SOS1: variants seen among roughly 807,000 people sequenced by gnomAD.
SOS1 encodes the protein SOS Ras/Rac guanine nucleotide exchange factor 1, also known as son of sevenless homolog 1.
In SOS1, 25 loss-of-function variants were observed where a neutral mutation model predicts 157.6. That is an observed-to-expected ratio of 0.16 (90% CI 0.12 to 0.22). The LOEUF is 0.22. Ranked by LOEUF, SOS1 falls within the 10% of genes least tolerant of loss-of-function variation. The pLI is 1.00. For missense variants in SOS1, 1,237 were observed against 1,599.1 expected (o/e 0.77, Z 3.86); for synonymous variants, 528 against 534.0 (o/e 0.99, Z 0.16).
In SOS1 at chr2:39,051,245, G is replaced by C; in HGVS notation, c.763C>G (p.Leu255Val). ...ATATGGCCCAGTAACTTTACACTAA[G>C]TTCATGTATATCTACTATGCGACTA... ...IFSRIVDIHE[L>V]SVKLLGHIED... The change falls in exon 6 of 23, where the codon CTT becomes GTT. Residue 255 changes from leucine to valine, a missense_variant. Around this residue, in one of 15 missense-constraint regions of SOS1, gnomAD observed 108 missense variants for 115.3 expected, o/e 0.94. Transcript: ENST00000402219. 1 of 1,611,824 alleles carries C rather than the reference G, an allele frequency of 6.2e-7. No homozygotes were observed. The highest frequency in any genetic ancestry group is 8.5e-7 in the Non-Finnish European group (1 of 1,178,044).
At chr2:39,072,743 C>T (rs913589255) in intron 1 of SOS1, among the ~76,000 whole-genome samples, 1 of 152,098 alleles carries the variant, frequency 6.6e-6, no homozygotes, top group South Asian at 2.1e-4. Flanking sequence ...GAAAATAACA[C>T]GTGATGCCAA....
At chr2:39,049,859 G>C (rs1373333693) in intron 6 of SOS1, among the ~76,000 whole-genome samples, 1 of 152,154 alleles carries the variant, frequency 6.6e-6, no homozygotes, top group Non-Finnish European at 1.5e-5. Flanking sequence ...GTAGATACCA[G>C]GTTGGCAGAT....
intron 1 of SOS1, among the ~76,000 whole-genome samples, chr2:39,074,323 C>A (rs13403916): frequency 6.9e-6 from 1 of 143,966 alleles, no homozygotes; most frequent in South Asian, 2.2e-4. Context: ...GCACTCCAGT[C>A]TGGGTGACAG....
At chr2:39,112,950 T>C (rs144586834) in intron 1 of SOS1, among the ~76,000 whole-genome samples, 126 of 151,656 alleles carry the variant, frequency 8.3e-4, no homozygotes, top group African/African-American at 2.6e-3. Context: ...GAGGCAGAGT[T>C]GCTGGAACCT....
chr2:38,987,630 A>C, intron 21 of SOS1, 39 bp from the exon 22 acceptor site: 1 of 935,654 alleles, frequency 1.1e-6, no homozygotes, highest in Non-Finnish European at 1.7e-6. Context: ...GTCCACAGGA[A>C]TTTTATTTCA....
intron 1 of SOS1, among the ~76,000 whole-genome samples, chr2:39,114,495 G>C (rs1294998525): frequency 6.6e-6 from 1 of 152,032 alleles, no homozygotes; most frequent in East Asian, 1.9e-4. Context: ...TAGAGATGGG[G>C]TTTCTCCATG....
intron 6 of SOS1, among the ~76,000 whole-genome samples, chr2:39,040,994 T>C (rs1043737833): frequency 6.6e-6 from 1 of 152,236 alleles, no homozygotes; most frequent in Admixed American, 6.5e-5. Flanking sequence ...CACATCTTCA[T>C]GAACACTTGT....
chr2:39,026,346 C>G (rs1013946023), intron 8 of SOS1, among the ~76,000 whole-genome samples: 1 of 104,174 alleles, frequency 9.6e-6, no homozygotes, highest in Admixed American at 1.1e-4. Flanking sequence ...CAGAGTGAGA[C>G]TCCGTCTCAA....
intron 2 of SOS1, among the ~76,000 whole-genome samples, chr2:39,061,205 G>A (rs1486206414): frequency 1.4e-5 from 2 of 139,166 alleles, no homozygotes; most frequent in East Asian, 2.1e-4. Context: ...ATACTTAGGA[G>A]ACAATGTCAA....
intron 1 of SOS1, among the ~76,000 whole-genome samples, chr2:39,097,652 G>C (rs1303476448): frequency 6.6e-6 from 1 of 151,874 alleles, no homozygotes; most frequent in Non-Finnish European, 1.5e-5. Flanking sequence ...CTGCCTCCCA[G>C]GCTTGGGCTC....
At chr2:39,120,312 A>G in intron 1 of SOS1, 24 bp downstream of exon 1, 1 of 1,554,866 alleles carries the variant, frequency 6.4e-7, no homozygotes. Context: ...GCGGCCGGGA[A>G]GCGGGGTCCC....
At position 39,102,204 on chromosome 2, in the gene SOS1, C is replaced by CAAAAAAAAAAAAAAA. The variant is rs58865034; in HGVS notation, c.87+18117_87+18131dup. The stretch of plus-strand genomic sequence containing the variant: ...CGGGTGACAGTGCGAGACTCTGTCT[C>CAAAAAAAAAAAAAAA]AAAAAAAAAAAAAAAAAAAAAAAAA... On this transcript the variant is annotated intron_variant, in intron 1 of 22. Coordinates refer to ENST00000402219, the MANE Select transcript of SOS1 (RefSeq NM_005633.4). 2.9e-4 allele frequency among the ~76,000 whole-genome samples: 7 copies of CAAAAAAAAAAAAAAA among 23,750 alleles called. 3 individuals carry two copies. The highest frequency in any genetic ancestry group is 7.2e-4 in the African/African-American group (5 of 6,948). The allele number at this position is 23,750 out of a possible 152,430, so 15.6% of individuals were successfully genotyped here.
At chr2:39,091,711 G>C (rs538210106) in intron 1 of SOS1, among the ~76,000 whole-genome samples, 2 of 152,238 alleles carry the variant, frequency 1.3e-5, no homozygotes, top group African/African-American at 4.8e-5. Context: ...CAGCCCCCCA[G>C]GCTTCTCCAC....
intron 1 of SOS1, among the ~76,000 whole-genome samples, chr2:39,102,237 C>T (rs1450423743): frequency 2.1e-5 from 1 of 47,988 alleles, no homozygotes; most frequent in South Asian, 7.6e-4. Context: ...AAAAGTGCCA[C>T]TTTGTCCCGG....
chr2:38,994,647 C>A (rs1374654196), intron 20 of SOS1, among the ~76,000 whole-genome samples: 1 of 152,138 alleles, frequency 6.6e-6, no homozygotes, highest in Admixed American at 6.5e-5. Flanking sequence ...TCAAAACTTC[C>A]AATGAGCATT....
At chr2:38,990,551 G>A (rs1216575265) in intron 20 of SOS1, among the ~76,000 whole-genome samples, 1 of 152,230 alleles carries the variant, frequency 6.6e-6, no homozygotes, top group East Asian at 1.9e-4. Flanking sequence ...TCTAGCTCTA[G>A]CGTTTACCCT....
At chr2:39,018,574 C>CA (rs1669701848) in intron 10 of SOS1, among the ~76,000 whole-genome samples, 1 of 151,744 alleles carries the variant, frequency 6.6e-6, no homozygotes, top group African/African-American at 2.4e-5. Flanking sequence ...TTTAGGAACT[C>CA]AGAGTATACC....
rs149238581 is a variant in SOS1, at chr2:39,103,810, T to G, written c.87+16526A>C. ...CAGATAAATCTGACTTCGTCAAAAT[T>G]AAAAACTTTCGTTCATCAGAGGACA... On this transcript the variant is annotated intron_variant, in intron 1 of 22. Coordinates refer to ENST00000402219, the MANE Select transcript of SOS1 (RefSeq NM_005633.4). 1.8e-4 allele frequency among the ~76,000 whole-genome samples: 27 copies of G among 152,274 alleles called. No individual in the cohort carries two copies. In the East Asian group the frequency reaches 5.2e-3, roughly 29 times the overall value.
At chr2:39,115,123 T>C (rs958934465) in intron 1 of SOS1, among the ~76,000 whole-genome samples, 3 of 152,168 alleles carry the variant, frequency 2.0e-5, no homozygotes, top group African/African-American at 4.8e-5. Context: ...AATACCTTCA[T>C]TGAGGTACAA....
Sources: gnomAD v4.1 joint callset for allele counts (sites outside exome capture counted in the v4.1 genomes callset) on GRCh38, gnomAD v4.1.1 for gene constraint, gnomAD v4.1.1 regional missense constraint, MANE v1.5 for transcripts, NCBI Gene and HGNC (gene_info 2026-07-23, HGNC 2026-07-21) for gene names.